ZNF541: variants seen among roughly 807,000 people sequenced by gnomAD.
ZNF541 encodes zinc finger protein 541.
A neutral mutation model predicts 123.5 loss-of-function variants in ZNF541; 23 were observed. The ratio of observed to expected loss-of-function variants is 0.19; its 90% CI spans 0.13 to 0.26. The LOEUF (loss-of-function observed/expected upper bound fraction) is 0.26. Among genes scored for constraint, ZNF541 ranks in the 10% least tolerant of loss-of-function variants. The pLI is 1.00. For synonymous variants in ZNF541, 751 were observed against 754.5 expected (o/e 1.00, Z 0.08); for missense variants, 1,612 against 1,789.9 (o/e 0.90, Z 1.79).
intron 2 of ZNF541, among the ~76,000 whole-genome samples, chr19:47,560,928 C>T (rs1971036467): frequency 6.6e-6 from 1 of 151,980 alleles, no homozygotes; most frequent in African/African-American, 2.4e-5. Flanking sequence ...ATGGAGGAAC[C>T]TTAAATGCAC....
chr19:47,521,635 T>C lies in ZNF541; in HGVS notation c.3731A>G (p.Glu1244Gly), dbSNP rs1191897755. The change falls in exon 16 of 17, where the codon GAG becomes GGG. Residue 1244 changes from glutamate to glycine, a missense_variant. Around this residue, in one of 5 missense-constraint regions of ZNF541, gnomAD observed 285 missense variants for 407.3 expected, o/e 0.70. Transcript: ENST00000391901. The surrounding 1 kb of genome is among the most constrained non-coding windows in gnomAD (Gnocchi z 4.2). ...TEEKVPCSPRERPSHHPTPKL... is the reference protein window; with the variant it reads ...TEEKVPCSPRGRPSHHPTPKL... ...GGGAGTTGGATGGTGGCTGGGTCTC[T>C]CCCGAGGGCTGCATGGGACCTGCAG... The C allele has an allele frequency of 6.4e-7, 1 of 1,551,600 alleles. No individual in the cohort carries two copies. The highest frequency in any genetic ancestry group is 1.4e-5 in the African/African-American group (1 of 73,016).
intron 7 of ZNF541, 141 bp from the exon 8 acceptor site, chr19:47,540,019 T>C (rs1970009477): frequency 2.8e-6 from 4 of 1,425,304 alleles, no homozygotes; most frequent in East Asian, 2.5e-5. Flanking sequence ...CTGCAGCCCA[T>C]GGCAATGGCC....
chr19:47,530,897 C>T (rs1315882635), intron 12 of ZNF541, among the ~76,000 whole-genome samples: 3 of 152,016 alleles, frequency 2.0e-5, no homozygotes, highest in African/African-American at 7.2e-5. Flanking sequence ...GTGATCCACC[C>T]GTCTCGGCCT....
intron 2 of ZNF541, among the ~76,000 whole-genome samples, chr19:47,562,710 C>T (rs1248066842): frequency 6.6e-6 from 1 of 152,164 alleles, no homozygotes; most frequent in East Asian, 1.9e-4. Flanking sequence ...ATCTGTCTCA[C>T]ACAAATGGAA....
At chr19:47,537,211 C>A (rs962135108) in intron 9 of ZNF541, among the ~76,000 whole-genome samples, 4 of 152,134 alleles carry the variant, frequency 2.6e-5, no homozygotes, top group Non-Finnish European at 5.9e-5. Flanking sequence ...TCACTGCATA[C>A]TCTAAATGGG....
rs1238401408 is a variant in ZNF541, at chr19:47,545,107, G to A, written c.1422C>T (p.Phe474=). ...CGGGGACCCTGAGGAGCGCGGCAGG[G>A]AAGGGCAGAGCATCCTCCAGGCCAC... ...PGGGLEDALP[F]PAALLRVPAE... The change falls in exon 5 of 17, where the codon TTC becomes TTT. Residue 474 remains phenylalanine, a synonymous_variant. Transcript: ENST00000391901. The surrounding 1 kb of genome is among the most constrained non-coding windows in gnomAD (Gnocchi z 7.5). 6.7e-7 allele frequency: 1 copy of A among 1,481,980 alleles called. No homozygotes were observed. 91.8% of individuals were successfully genotyped at this position (1,481,980 alleles called of 1,614,324 possible).
intron 3 of ZNF541, among the ~76,000 whole-genome samples, chr19:47,550,143 T>C (rs1264116714): frequency 6.6e-6 from 1 of 151,954 alleles, no homozygotes; most frequent in African/African-American, 2.4e-5. Flanking sequence ...TCCCGGCTAT[T>C]TGGGAGGCTG....
intron 9 of ZNF541, among the ~76,000 whole-genome samples, chr19:47,533,394 A>G (rs1245444124): frequency 7.7e-6 from 1 of 129,782 alleles, no homozygotes; most frequent in East Asian, 2.1e-4. Flanking sequence ...AAAAAAAAAA[A>G]AATCCCATGG....
intron 2 of ZNF541, among the ~76,000 whole-genome samples, chr19:47,567,991 A>T (rs1196502207): frequency 6.6e-6 from 1 of 152,136 alleles, no homozygotes; most frequent in East Asian, 1.9e-4. Context: ...ATTATCTTTA[A>T]AGTTCTCCCA....
intron 9 of ZNF541, among the ~76,000 whole-genome samples, chr19:47,537,506 G>A (rs914572604): frequency 1.4e-5 from 2 of 147,738 alleles, no homozygotes; most frequent in Non-Finnish European, 1.5e-5. Context: ...GGAGGTTTCA[G>A]TCAGCCAAGA....
intron 5 of ZNF541, 100 bp from the exon 6 acceptor site, chr19:47,541,051 A>AT (rs1183809167): frequency 1.2e-5 from 13 of 1,100,922 alleles, no homozygotes; most frequent in Non-Finnish European, 1.7e-5. Flanking sequence ...GTAAATCTTC[A>AT]TGACCTTGGA....
intron 4 of ZNF541, among the ~76,000 whole-genome samples, chr19:47,547,634 A>T (rs1177987728): frequency 6.6e-6 from 1 of 152,176 alleles, no homozygotes; most frequent in Non-Finnish European, 1.5e-5. Context: ...GGTGTGGGTG[A>T]GAGGATAAGA....
In ZNF541 at chr19:47,545,571, G is replaced by A; in HGVS notation, c.958C>T (p.Pro320Ser). Residue 320 changes from proline to serine, a missense_variant, in exon 5 of 17, where the codon CCA becomes TCA. Pro to Ser is a moderately conservative substitution (Grantham distance 74). Around this residue, in one of 5 missense-constraint regions of ZNF541, gnomAD observed 1,080 missense variants for 1,013.8 expected, o/e 1.07. Coordinates refer to ENST00000391901, the MANE Select transcript of ZNF541 (RefSeq NM_001277075.3). This position sits in a 1 kb window ranked among gnomAD's most constrained non-coding sequence, Gnocchi z 7.5. ...PASSGSSSCT[P>S]AGPHAAPAAL... ...GCTGGGGCCGCGTGGGGGCCGGCTG[G>A]GGTGCAGGACGAGGACCCCGATGAG... is the stretch of plus-strand genomic sequence containing the variant. 1 of 1,543,554 alleles carries A rather than the reference G, an allele frequency of 6.5e-7. No individual in the cohort carries two copies. The highest frequency in any genetic ancestry group is 8.8e-7 in the Non-Finnish European group (1 of 1,141,982).
At chr19:47,551,012 A>G (rs1970575565) in intron 3 of ZNF541, among the ~76,000 whole-genome samples, 1 of 151,768 alleles carries the variant, frequency 6.6e-6, no homozygotes, top group Non-Finnish European at 1.5e-5. Flanking sequence ...TCTACTTTTT[A>G]GATTGACCTG....
At chr19:47,563,088 A>T (rs1194567012) in intron 2 of ZNF541, among the ~76,000 whole-genome samples, 2 of 152,050 alleles carry the variant, frequency 1.3e-5, no homozygotes, top group African/African-American at 2.4e-5. Flanking sequence ...CTGCACCTGC[A>T]ATGTCTGCAT....
At chr19:47,549,674 G>A (rs1410881642) in intron 3 of ZNF541, among the ~76,000 whole-genome samples, 189 bp from the exon 4 acceptor site, 1 of 152,172 alleles carries the variant, frequency 6.6e-6, no homozygotes, top group Non-Finnish European at 1.5e-5. Context: ...GATGGCACCC[G>A]GACTTGGTGC....
At chr19:47,543,693 T>C (rs1600003317) in intron 5 of ZNF541, among the ~76,000 whole-genome samples, 1 of 150,820 alleles carries the variant, frequency 6.6e-6, no homozygotes. Context: ...CAGGCTGGAG[T>C]GCAGAGACAC....
At chr19:47,522,949 T>A (rs1004948945) in intron 14 of ZNF541, among the ~76,000 whole-genome samples, 3 of 152,032 alleles carry the variant, frequency 2.0e-5, no homozygotes, top group Middle Eastern at 3.4e-3. Context: ...TTTCACCATG[T>A]TGGCCAGGCT....
chr19:47,566,791 C>A (rs1040939567), intron 2 of ZNF541, among the ~76,000 whole-genome samples: 1 of 151,760 alleles, frequency 6.6e-6, no homozygotes, highest in Non-Finnish European at 1.5e-5. Flanking sequence ...GTGGCTCACA[C>A]CTGTAATCCC....
Sources: gnomAD v4.1 joint callset for allele counts (sites outside exome capture counted in the v4.1 genomes callset) on GRCh38, gnomAD v4.1.1 for gene constraint, gnomAD v4.1.1 regional missense constraint, Gnocchi (gnomAD v3.1) non-coding constraint, MANE v1.5 for transcripts, NCBI Gene and HGNC (gene_info 2026-07-23, HGNC 2026-07-21) for gene names.